Variants in SPIDR observed in about 807,000 individuals in gnomAD.
The protein encoded by SPIDR is DNA repair-scaffolding protein.
A neutral mutation model predicts 104.6 loss-of-function variants in SPIDR; 93 were observed. The observed-to-expected ratio is 0.89, with a 90% CI of 0.75 to 1.06. SPIDR has a LOEUF of 1.06. Among genes scored for constraint, SPIDR ranks in the 50% least tolerant of loss-of-function variants. The pLI is 0.00. For missense variants in SPIDR, 1,154 were observed against 1,111.2 expected (o/e 1.04, Z -0.55); for synonymous variants, 431 against 416.9 (o/e 1.03, Z -0.41).
intron 8 of SPIDR, among the ~76,000 whole-genome samples, chr8:47,486,666 G>A (rs979176633): frequency 1.4e-4 from 22 of 152,270 alleles, no homozygotes; most frequent in Admixed American, 5.9e-4. Context: ...CAGACACTCC[G>A]CAAGCCAGAA....
At chr8:47,441,538 G>A (rs1554697041) in intron 8 of SPIDR, among the ~76,000 whole-genome samples, 1 of 151,768 alleles carries the variant, frequency 6.6e-6, no homozygotes, top group African/African-American at 2.4e-5. Flanking sequence ...TGCCTTGTCA[G>A]TCATATACAT....
intron 8 of SPIDR, among the ~76,000 whole-genome samples, chr8:47,462,760 A>G (rs1185297996): frequency 6.6e-6 from 1 of 151,642 alleles, no homozygotes; most frequent in Admixed American, 6.5e-5. Context: ...CATTAGAGAA[A>G]ATCAGAGAGC....
chr8:47,396,743 A>G, intron 6 of SPIDR, 117 bp downstream of exon 6: 3 of 1,076,762 alleles, frequency 2.8e-6, no homozygotes, highest in South Asian at 3.3e-5. Context: ...TCTGGAGCTG[A>G]TTAATGGAAT....
intron 10 of SPIDR, among the ~76,000 whole-genome samples, chr8:47,645,489 C>T (rs571366869): frequency 1.3e-5 from 2 of 152,140 alleles, no homozygotes; most frequent in South Asian, 2.1e-4. Context: ...ATTGGATATG[C>T]GCTTACCGTG....
At chr8:47,459,786 C>T (rs1283518589) in intron 8 of SPIDR, among the ~76,000 whole-genome samples, 1 of 152,044 alleles carries the variant, frequency 6.6e-6, no homozygotes, top group Non-Finnish European at 1.5e-5. Flanking sequence ...TATGAAGTTT[C>T]CTCTTACCAC....
At chr8:47,364,955 G>A (rs1230211217) in intron 5 of SPIDR, among the ~76,000 whole-genome samples, 1 of 152,156 alleles carries the variant, frequency 6.6e-6, no homozygotes, top group African/African-American at 2.4e-5. Flanking sequence ...GCTGCCCTCC[G>A]TCTTCCCCAC....
chr8:47,671,049 A>G (rs988856630), intron 10 of SPIDR, among the ~76,000 whole-genome samples: 2 of 152,060 alleles, frequency 1.3e-5, no homozygotes, highest in African/African-American at 4.8e-5. Context: ...AGCTGAGACC[A>G]CAACCGTGCA....
At chr8:47,681,079 G>A (rs1173648713) in intron 11 of SPIDR, among the ~76,000 whole-genome samples, 4 of 152,232 alleles carry the variant, frequency 2.6e-5, no homozygotes, top group Admixed American at 6.5e-5. Context: ...CAAAAAGAGA[G>A]AGAGAGAGAA....
In SPIDR at chr8:47,402,986, A is replaced by T. The variant is rs1057234419; in HGVS notation, c.777-4875A>T. Among the ~76,000 whole-genome samples, 4 of 152,242 alleles carry T rather than the reference A, an allele frequency of 2.6e-5. No homozygotes were observed. The East Asian group carries it at 5.8e-4, about 22-fold the overall frequency. On this transcript the variant is annotated intron_variant, in intron 6 of 19. Coordinates refer to ENST00000297423, the MANE Select transcript of SPIDR (RefSeq NM_001080394.4). ...ACTGGCAAACTGAATGCAGCAGCAC[A>T]TGAAAAAGCTTATCCACCACAATCA...
intron 8 of SPIDR, among the ~76,000 whole-genome samples, chr8:47,584,991 G>A (rs1466501439): frequency 6.6e-6 from 1 of 151,928 alleles, no homozygotes; most frequent in African/African-American, 2.4e-5. Context: ...GTTTGTATTG[G>A]AAAAATTATA....
chr8:47,555,297 A>T (rs889074661), intron 8 of SPIDR, among the ~76,000 whole-genome samples: 2 of 152,200 alleles, frequency 1.3e-5, no homozygotes, highest in Non-Finnish European at 2.9e-5. Flanking sequence ...GACTTTCTCA[A>T]AGAATTGAGA....
chr8:47,329,511 A>G (rs976365162), intron 5 of SPIDR, among the ~76,000 whole-genome samples: 1 of 152,114 alleles, frequency 6.6e-6, no homozygotes, highest in Admixed American at 6.6e-5. Context: ...CCAGCCTACA[A>G]TATGTTTTTG....
rs567741451 is a variant in SPIDR, at chr8:47,344,303, C to CT, written c.525+50279dup. On this transcript the variant is annotated intron_variant, in intron 5 of 19. Coordinates refer to ENST00000297423, the MANE Select transcript of SPIDR (RefSeq NM_001080394.4). ...TCCCTACAAAGGACATGAACTCATC[C>CT]TTTTTTATGGCTGCATGGTATTCCA... Among the ~76,000 whole-genome samples the CT allele has an allele frequency of 2.6e-3, 402 of 152,152 alleles. 3 individuals carry two copies. The highest frequency in any genetic ancestry group is 9.4e-3 in the African/African-American group (389 of 41,504).
At chr8:47,565,105 G>T (rs554939117) in intron 8 of SPIDR, among the ~76,000 whole-genome samples, 1 of 152,320 alleles carries the variant, frequency 6.6e-6, no homozygotes, top group Non-Finnish European at 1.5e-5. Flanking sequence ...AATTAGCTGG[G>T]TGTGGTGGCA....
chr8:47,680,078 A>G (rs1012888379), intron 11 of SPIDR, among the ~76,000 whole-genome samples: 6 of 152,150 alleles, frequency 3.9e-5, no homozygotes, highest in African/African-American at 9.7e-5. Context: ...GCAGGTGACA[A>G]CCACGCTAGC....
chr8:47,497,359 A>G (rs1376377457), intron 8 of SPIDR, among the ~76,000 whole-genome samples: 1 of 152,112 alleles, frequency 6.6e-6, no homozygotes, highest in Non-Finnish European at 1.5e-5. Context: ...TACTCTTCTA[A>G]GCACTGCTTT....
intron 10 of SPIDR, among the ~76,000 whole-genome samples, chr8:47,641,379 T>C (rs1413701306): frequency 6.6e-6 from 1 of 152,176 alleles, no homozygotes; most frequent in Non-Finnish European, 1.5e-5. Context: ...AAGCATGAAC[T>C]TGTGTTATTT....
intron 7 of SPIDR, among the ~76,000 whole-genome samples, chr8:47,427,087 G>T (rs1554685534): frequency 1.3e-5 from 2 of 152,048 alleles, no homozygotes; most frequent in African/African-American, 4.8e-5. Context: ...AATTTCAAGA[G>T]AAACTGAAAT....
At chr8:47,526,077 G>A (rs966440877) in intron 8 of SPIDR, among the ~76,000 whole-genome samples, 2 of 152,108 alleles carry the variant, frequency 1.3e-5, no homozygotes, top group East Asian at 4.0e-4. Context: ...GTATTCCCCT[G>A]AGTTAAACTT....
Sources: gnomAD v4.1 joint callset for allele counts (sites outside exome capture counted in the v4.1 genomes callset) on GRCh38, gnomAD v4.1.1 for gene constraint, MANE v1.5 for transcripts, NCBI Gene and HGNC (gene_info 2026-07-23, HGNC 2026-07-21) for gene names.